DOCK10: variants seen among roughly 807,000 people sequenced by gnomAD.
The protein encoded by DOCK10 is dedicator of cytokinesis protein 10.
In DOCK10, 145 loss-of-function variants were observed where a neutral mutation model predicts 280.1. That is an observed-to-expected ratio of 0.52 (90% CI 0.45 to 0.59). The LOEUF (loss-of-function observed/expected upper bound fraction) is 0.59, where lower values mean the gene tolerates loss of function less well. Ranked by LOEUF, DOCK10 falls within the 20% of genes least tolerant of loss-of-function variation. The pLI is 0.00. For missense variants in DOCK10, 2,368 were observed against 2,651.7 expected (o/e 0.89, Z 2.35); for synonymous variants, 915 against 942.2 (o/e 0.97, Z 0.53).
rs73081884 is a variant in DOCK10, at chr2:224,970,101, T to C, written c.124-38433A>G. On this transcript the variant is annotated intron_variant, in intron 1 of 55. Transcript: ENST00000258390. The surrounding 1 kb of genome is among the most constrained non-coding windows in gnomAD (Gnocchi z 4.6). ...GAGTGTTCTATTTAATATTCTAGTT[T>C]CCTTATTAGTGGAGAACTGAAGGGT... Among the ~76,000 whole-genome samples the C allele has an allele frequency of 0.052, 7,887 of 152,262 alleles. 680 individuals are homozygous for C. Among genetic ancestry groups the C allele is most frequent in the African/African-American group, 0.18 (7,414 of 41,492 alleles).
At position 224,807,995 on chromosome 2, in the gene DOCK10, T is replaced by G. The variant is rs2125231071; in HGVS notation, c.3501A>C (p.Glu1167Asp). The part of the protein sequence containing the change: ...LLREVGFALQ[E>D]DQDVRHLALA... Reference sequence around the variant, plus strand: ...AAGCTAAGTGTCTGACATCTTGGTCTTCCTGCAGGGCAAAGCCAACTTCTC... The same window carrying G: ...AAGCTAAGTGTCTGACATCTTGGTCGTCCTGCAGGGCAAAGCCAACTTCTC... Residue 1167 changes from glutamate (E) to aspartate (D), a missense_variant, in exon 32 of 56, where the codon GAA becomes GAC. Around this residue, in one of 2 missense-constraint regions of DOCK10, gnomAD observed 1,159 missense variants for 1,400.8 expected, o/e 0.83. Coordinates refer to ENST00000258390, the MANE Select transcript of DOCK10 (RefSeq NM_014689.3). 6.2e-7 allele frequency: 1 copy of G among 1,612,978 alleles called. No homozygotes were observed. Among genetic ancestry groups the G allele is most frequent in the East Asian group, 2.2e-5 (1 of 44,864 alleles).
intron 1 of DOCK10, among the ~76,000 whole-genome samples, chr2:224,948,688 A>G (rs1417894979): frequency 6.6e-6 from 1 of 152,160 alleles, no homozygotes; most frequent in Non-Finnish European, 1.5e-5. Context: ...AAAAGCTATG[A>G]ACCCACTCAT....
intron 3 of DOCK10, among the ~76,000 whole-genome samples, chr2:224,905,720 T>G (rs1700583627): frequency 6.6e-6 from 1 of 152,182 alleles, no homozygotes; most frequent in Non-Finnish European, 1.5e-5. Flanking sequence ...ATGCCATTGA[T>G]GCACTTTCTC....
chr2:225,039,170 C>A (rs953721057), intron 1 of DOCK10, among the ~76,000 whole-genome samples: 1 of 152,156 alleles, frequency 6.6e-6, no homozygotes, highest in Non-Finnish European at 1.5e-5. Flanking sequence ...AGTGGCATTA[C>A]AACTTTGAAG....
intron 2 of DOCK10, among the ~76,000 whole-genome samples, chr2:224,926,916 A>G (rs1020083339): frequency 2.0e-5 from 3 of 152,248 alleles, no homozygotes; most frequent in Non-Finnish European, 4.4e-5. Flanking sequence ...TCAACAATCA[A>G]GACAGAAGAA....
intron 22 of DOCK10, among the ~76,000 whole-genome samples, chr2:224,842,407 C>T (rs1696025743): frequency 1.3e-5 from 2 of 152,172 alleles, no homozygotes; most frequent in African/African-American, 2.4e-5. Flanking sequence ...AAATTTACTT[C>T]CAGAAGGTGG....
At position 224,970,995 on chromosome 2, in the gene DOCK10, A is replaced by C. The variant is rs1265544001; in HGVS notation, c.124-39327T>G. ...AGTTAAAAAGAATGTGGGTCTCATCATTTTGAGACCTGAACAAATACCCTT... is the reference window on the plus strand; with the variant it reads ...AGTTAAAAAGAATGTGGGTCTCATCCTTTTGAGACCTGAACAAATACCCTT... On this transcript the variant is annotated intron_variant, in intron 1 of 55. Coordinates refer to ENST00000258390, the MANE Select transcript of DOCK10 (RefSeq NM_014689.3). The surrounding 1 kb of genome is among the most constrained non-coding windows in gnomAD (Gnocchi z 4.6). Among the ~76,000 whole-genome samples the C allele has an allele frequency of 1.3e-5, 2 of 152,226 alleles. No individual in the cohort carries two copies. Among genetic ancestry groups the C allele is most frequent in the Non-Finnish European group, 2.9e-5 (2 of 68,036 alleles).
chr2:224,867,248 AGT>A (rs1427134772), intron 11 of DOCK10, among the ~76,000 whole-genome samples: 2 of 152,334 alleles, frequency 1.3e-5, no homozygotes, highest in East Asian at 3.9e-4. Context: ...GTCCTCCAAC[AGT>A]GAGAATGCGG....
intron 1 of DOCK10, among the ~76,000 whole-genome samples, chr2:224,963,448 T>C (rs548696487): frequency 6.6e-6 from 1 of 152,368 alleles, no homozygotes; most frequent in East Asian, 1.9e-4. Flanking sequence ...TTCTGTTCTG[T>C]CTAACTAGAA....
chr2:225,004,067 T>G (rs1319566209), intron 1 of DOCK10, among the ~76,000 whole-genome samples: 1 of 152,366 alleles, frequency 6.6e-6, no homozygotes, highest in Admixed American at 6.5e-5. Flanking sequence ...GTAAGTATCA[T>G]GATCATTCCT....
intron 23 of DOCK10, 82 bp from the exon 24 acceptor site, chr2:224,840,154 T>C: frequency 1.6e-6 from 1 of 643,372 alleles, no homozygotes; most frequent in Non-Finnish European, 2.6e-6. Flanking sequence ...TATAAATCTA[T>C]GAGAAGAAAA....
chr2:224,920,964 A>G (rs1353282164), intron 2 of DOCK10, among the ~76,000 whole-genome samples: 1 of 150,698 alleles, frequency 6.6e-6, no homozygotes, highest in Non-Finnish European at 1.5e-5. Flanking sequence ...GACATAATAA[A>G]ATAAAGTGGG....
At chr2:224,771,629 A>G (rs1690444393) in intron 53 of DOCK10, among the ~76,000 whole-genome samples, 1 of 152,214 alleles carries the variant, frequency 6.6e-6, no homozygotes. Flanking sequence ...TTGGGAAGGA[A>G]AAAGGTAAAA....
intron 2 of DOCK10, among the ~76,000 whole-genome samples, chr2:224,917,208 C>A (rs546714002): frequency 6.9e-6 from 1 of 145,014 alleles, no homozygotes; most frequent in Admixed American, 7.2e-5. Context: ...CAGGTTCAAG[C>A]GATTCTCCTG....
chr2:224,809,536 A>G (rs1451986668), intron 31 of DOCK10, among the ~76,000 whole-genome samples: 1 of 152,198 alleles, frequency 6.6e-6, no homozygotes, highest in Non-Finnish European at 1.5e-5. Context: ...CCAAGTTTTA[A>G]AAATGGGCAA....
chr2:225,013,950 C>T (rs562492680), intron 1 of DOCK10, among the ~76,000 whole-genome samples: 1 of 152,098 alleles, frequency 6.6e-6, no homozygotes, highest in Admixed American at 6.6e-5. Flanking sequence ...TAGGGCTTTC[C>T]AAGCATTTAA....
Position 224,765,663 on chromosome 2 carries a change from G to A in DOCK10, c.*58C>T, listed in dbSNP as rs1229517788. On this transcript the variant is annotated 3_prime_UTR_variant, in exon 56 of 56. Transcript: ENST00000258390. ...AATTAAACCTATCTTTCTCTTCCCC[G>A]AGATTAGCTGCAAATTCAGAAAGTT... The A allele has an allele frequency of 1.3e-5, 16 of 1,225,228 alleles. No homozygotes were observed. Among genetic ancestry groups the A allele is most frequent in the Admixed American group, 5.9e-5 (3 of 50,596 alleles). 75.9% of individuals were successfully genotyped at this position (1,225,228 alleles called of 1,614,324 possible). A position where few individuals can be genotyped will look rare whatever the true frequency, so the allele number is the denominator to read the frequency against.
rs565641242 is a variant in DOCK10, at chr2:224,841,814, C to T, written c.2651G>A (p.Arg884His). Residue 884 changes from arginine (R) to histidine (H), a missense_variant, in exon 23 of 56, where the codon CGC becomes CAC. Coordinates refer to ENST00000258390, the MANE Select transcript of DOCK10 (RefSeq NM_014689.3). ...TGCATGTCATGTTACCTTACAAGAG[C>T]GGATGAAATTTGAGGTAGGTGACTG... ...MSQSPTSNFI[R>H]SCKNLLNVEK... is the part of the protein sequence containing the mutation. The T allele has an allele frequency of 4.2e-4, 678 of 1,608,738 alleles. 10 individuals are homozygous for T. The South Asian group carries it at 6.6e-3, about 16-fold the overall frequency.
chr2:224,960,108 A>T (rs1024672672), intron 1 of DOCK10, among the ~76,000 whole-genome samples: 4 of 152,216 alleles, frequency 2.6e-5, no homozygotes, highest in African/African-American at 9.6e-5. Flanking sequence ...GGAATGATAT[A>T]TAAAGGCAGA....
Sources: allele counts gnomAD v4.1 joint callset (sites outside exome capture counted in the v4.1 genomes callset), GRCh38; gene constraint gnomAD v4.1.1; regional missense constraint gnomAD v4.1.1; non-coding constraint Gnocchi (gnomAD v3.1); transcripts MANE v1.5; gene names NCBI Gene and HGNC (gene_info 2026-07-23, HGNC 2026-07-21).